GPC2: variants seen among roughly 807,000 people sequenced by gnomAD.
The protein encoded by GPC2 is glypican-2.
In GPC2, 42 loss-of-function variants were observed where a neutral mutation model predicts 57.3. The observed-to-expected ratio is 0.73, with a 90% CI of 0.57 to 0.95. GPC2 has a LOEUF of 0.95. Among genes scored for constraint, GPC2 ranks in the 40% least tolerant of loss-of-function variants. GPC2 has a pLI of 0.00. For missense variants in GPC2, 745 were observed against 793.6 expected (o/e 0.94, Z 0.74); for synonymous variants, 364 against 343.4 (o/e 1.06, Z -0.66).
chr7:100,176,966 T>C (rs527923345), intron 1 of GPC2, 68 bp downstream of exon 1: 39 of 1,108,658 alleles, frequency 3.5e-5, no homozygotes, highest in Middle Eastern at 6.0e-4. Context: ...AAGAGAGTTA[T>C]TGTGAGATGA....
rs1447731257 is a variant in GPC2 at position 100,171,684 on chromosome 7, C to G, written c.1171-6G>C. 2.0e-6 allele frequency: 3 copies of G among 1,488,080 alleles called. No individual in the cohort carries two copies. Among genetic ancestry groups the G allele is most frequent in the Non-Finnish European group, 2.7e-6 (3 of 1,129,550 alleles). 92.2% of individuals were successfully genotyped at this position (1,488,080 alleles called of 1,614,324 possible). ...CGCTCGCGGAGCTCCCACACCTGGG[C>G]GGGCGAGAGGGGGCGGGGCGAGCTG... On this transcript the variant is annotated splice_polypyrimidine_tract_variant and splice_region_variant and intron_variant, in intron 7 of 9. Transcript: ENST00000292377. This position sits in a 1 kb window ranked among gnomAD's most constrained non-coding sequence, Gnocchi z 4.8.
chr7:100,172,022 C>T (rs1378345339), intron 6 of GPC2, 65 bp downstream of exon 6: 2 of 1,597,980 alleles, frequency 1.3e-6, no homozygotes, highest in Non-Finnish European at 1.7e-6. Flanking sequence ...ATCCCCTATA[C>T]TGCCTCTCTG....
chr7:100,173,387 C>A, intron 5 of GPC2: 1 of 152,886 alleles, frequency 6.5e-6, no homozygotes, highest in Non-Finnish European at 1.5e-5. Flanking sequence ...CCTGCCTCAG[C>A]CTCTGGAGTA....
Position 100,175,765 on chromosome 7 carries a change from T to C in GPC2, c.455A>G (p.Tyr152Cys), listed in dbSNP as rs375753574. 3 of 1,614,014 alleles carry C rather than the reference T, an allele frequency of 1.9e-6. No individual in the cohort carries two copies. The highest frequency in any genetic ancestry group is 2.7e-5 in the African/African-American group (2 of 74,984). The change falls in exon 3 of 10, where the codon TAT (tyrosine) becomes TGT (cysteine). Residue 152 changes from tyrosine (Y) to cysteine (C), a missense_variant. Physicochemically the swap from Tyr to Cys is radical, Grantham distance 194. Coordinates refer to ENST00000292377, the MANE Select transcript of GPC2 (RefSeq NM_152742.3). Reference protein sequence around the residue: ...NGLFSRLRDFYGESGEGLDDT... With the variant: ...NGLFSRLRDFCGESGEGLDDT... ...ATCCAACCCCTCACCAGATTCCCCA[T>C]AGAAGTCTCGCAGCCGAGAGAACAG...
intron 5 of GPC2, among the ~76,000 whole-genome samples, chr7:100,172,737 ATATATATGTGTG>A (rs1488946774): frequency 2.1e-5 from 3 of 141,664 alleles, no homozygotes; most frequent in Non-Finnish European, 4.6e-5. Context: ...ATATATGTGT[ATATATATGTGTG>A]TATATATATG....
At chr7:100,174,418 A>G in intron 4 of GPC2, 1 of 565,906 alleles carries the variant, frequency 1.8e-6, no homozygotes, top group Non-Finnish European at 3.2e-6. Context: ...CCAATCTCCT[A>G]CTGCTATGGA....
In GPC2 at chr7:100,170,010, C is replaced by A; in HGVS notation, c.*220G>T. The A allele has an allele frequency of 2.1e-6, 1 of 481,106 alleles. No individual in the cohort carries two copies. Among genetic ancestry groups the A allele is most frequent in the Non-Finnish European group, 3.7e-6 (1 of 273,650 alleles). The allele number at this position is 481,106 out of a possible 1,614,324, so 29.8% of individuals were successfully genotyped here. A position where few individuals can be genotyped will look rare whatever the true frequency, so the allele number is the denominator to read the frequency against. On this transcript the variant is annotated 3_prime_UTR_variant, in exon 10 of 10. Transcript: ENST00000292377. Reference sequence around the variant, plus strand: ...AACCACACTCCCTCCTAAATAAATACCCCCAGGCCCCCCTCCCATTACCAA... The same window carrying A: ...AACCACACTCCCTCCTAAATAAATAACCCCAGGCCCCCCTCCCATTACCAA...
chr7:100,172,393 C>T (rs1432844468), intron 5 of GPC2, among the ~76,000 whole-genome samples, 176 bp from the exon 6 acceptor site: 1 of 151,970 alleles, frequency 6.6e-6, no homozygotes. Context: ...CCATTTCACC[C>T]CCAGCCTTAC....
intron 2 of GPC2, 44 bp downstream of exon 2, chr7:100,176,163 C>A: frequency 1.3e-6 from 2 of 1,546,098 alleles, no homozygotes; most frequent in Non-Finnish European, 1.8e-6. Flanking sequence ...TCCTAAGCAC[C>A]GAGAGGAGCT....
In GPC2 at chr7:100,170,036, A is replaced by C; in HGVS notation, c.*194T>G. ...CCCCAGGCCCCCCTCCCATTACCAAATGAAAAAATAAATATTGTGAACACC... is the reference window on the plus strand; with the variant it reads ...CCCCAGGCCCCCCTCCCATTACCAACTGAAAAAATAAATATTGTGAACACC... On this transcript the variant is annotated 3_prime_UTR_variant, in exon 10 of 10. Coordinates refer to ENST00000292377, the MANE Select transcript of GPC2 (RefSeq NM_152742.3). 2.1e-6 allele frequency: 1 copy of C among 470,618 alleles called. No individual in the cohort carries two copies. Among genetic ancestry groups the C allele is most frequent in the Non-Finnish European group, 3.7e-6 (1 of 269,296 alleles). 29.2% of individuals were successfully genotyped at this position (470,618 alleles called of 1,614,324 possible).
At chr7:100,176,088 C>T (rs1005387405) in intron 2 of GPC2, 119 bp downstream of exon 2, 18 of 164,958 alleles carry the variant, frequency 1.1e-4, no homozygotes, top group African/African-American at 6.6e-4. Flanking sequence ...GGGGGGTGGG[C>T]GGGCTGGGAG....
Position 100,171,766 on chromosome 7 carries a change from T to C in GPC2, c.1170+13A>G. Reference sequence around the variant, plus strand: ...GGGCCCCCCCGCCCCCAACTCTTGGTCATCCCACGCACCAGCCGGTGCAGG... The same window carrying C: ...GGGCCCCCCCGCCCCCAACTCTTGGCCATCCCACGCACCAGCCGGTGCAGG... On this transcript the variant is annotated intron_variant, in intron 7 of 9. Coordinates refer to ENST00000292377, the MANE Select transcript of GPC2 (RefSeq NM_152742.3). This position sits in a 1 kb window ranked among gnomAD's most constrained non-coding sequence, Gnocchi z 4.8. The C allele has an allele frequency of 6.8e-7, 1 of 1,474,390 alleles. No homozygotes were observed. Among genetic ancestry groups the C allele is most frequent in the Non-Finnish European group, 9.0e-7 (1 of 1,111,050 alleles). The allele number at this position is 1,474,390 out of a possible 1,614,324, so 91.3% of individuals were successfully genotyped here. A position where few individuals can be genotyped will look rare whatever the true frequency, so the allele number is the denominator to read the frequency against.
Position 100,170,334 on chromosome 7 carries a change from A to G in GPC2, c.1636T>C (p.Tyr546His), listed in dbSNP as rs1799156435. The G allele has an allele frequency of 6.2e-7, 1 of 1,613,150 alleles. No homozygotes were observed. The highest frequency in any genetic ancestry group is 1.1e-5 in the South Asian group (1 of 90,760). Residue 546 changes from tyrosine to histidine, a missense_variant, in exon 10 of 10, where the codon TAC becomes CAC. Around this residue, in one of 2 missense-constraint regions of GPC2, gnomAD observed 607 missense variants for 603.9 expected, o/e 1.01. Transcript: ENST00000292377. ...GGKGGGGSAR[Y>H]NQGRSRSGGA... Reference sequence around the variant, plus strand: ...CCACTCCTGCTCCGGCCCTGGTTGTAGCGGGCACTGCCACCTCCTCCTTTG... The same window carrying G: ...CCACTCCTGCTCCGGCCCTGGTTGTGGCGGGCACTGCCACCTCCTCCTTTG...
intron 3 of GPC2, 67 bp downstream of exon 3, chr7:100,175,505 G>A: frequency 7.8e-7 from 1 of 1,286,086 alleles, no homozygotes; most frequent in Non-Finnish European, 1.1e-6. Flanking sequence ...GTTTGGAGGT[G>A]AGTGGTGCAC....
rs1799252898 is a variant in GPC2, at chr7:100,175,611, C to A, written c.609G>T (p.Leu203=). ...SRLASSTDGS[L]QPFGDSPRRL... is the part of the protein sequence containing the mutation. ...GGCGGGGTGAGTCCCCAAAGGGCTG[C>A]AGAGAGCCATCGGTAGATGAGGCCA... is the stretch of plus-strand genomic sequence containing the variant. Residue 203 remains leucine (L), a synonymous_variant, in exon 3 of 10, where the codon CTG becomes CTT. Transcript: ENST00000292377. 6.2e-7 allele frequency: 1 copy of A among 1,613,494 alleles called. No individual in the cohort carries two copies. The highest frequency in any genetic ancestry group is 1.3e-5 in the African/African-American group (1 of 75,026).
In GPC2 at chr7:100,173,867, C is replaced by A; in HGVS notation, c.860G>T (p.Arg287Met). 1 of 1,593,120 alleles carries A rather than the reference C, an allele frequency of 6.3e-7. No homozygotes were observed. Among genetic ancestry groups the A allele is most frequent in the East Asian group, 2.3e-5 (1 of 42,560 alleles). The stretch of plus-strand genomic sequence containing the variant: ...GTTGCCCCAGTCAGGCTCCAGTCCC[C>A]TGCTGCTGAGACAGCCACGAACCAC... ...LNVVRGCLSS[R>M]GLEPDWGNYL... is the part of the protein sequence containing the mutation. Residue 287 changes from arginine to methionine, a missense_variant, in exon 5 of 10, where the codon AGG (arginine) becomes ATG (methionine). Around this residue, in one of 2 missense-constraint regions of GPC2, gnomAD observed 607 missense variants for 603.9 expected, o/e 1.01. Transcript: ENST00000292377.
chr7:100,170,728 A>C (rs1024313397), intron 9 of GPC2, among the ~76,000 whole-genome samples: 1 of 152,054 alleles, frequency 6.6e-6, no homozygotes, highest in South Asian at 2.1e-4. Context: ...AGAGAGAAAA[A>C]AAAACAAAAC....
Position 100,170,469 on chromosome 7 carries a change from C to T in GPC2, c.1501G>A (p.Gly501Ser), listed in dbSNP as rs779561514. 4 of 1,531,372 alleles carry T rather than the reference C, an allele frequency of 2.6e-6. No homozygotes were observed. Among genetic ancestry groups the T allele is most frequent in the East Asian group, 2.4e-5 (1 of 42,144 alleles). The allele number at this position is 1,531,372 out of a possible 1,614,324, so 94.9% of individuals were successfully genotyped here. A position where few individuals can be genotyped will look rare whatever the true frequency, so the allele number is the denominator to read the frequency against. ...GCATACTGCTGTCCCCCTCCAGAGC[C>T]GCTGGCATCCTCATCTGCAAGGAAG... The part of the protein sequence containing the change: ...DGQDADEDAS[G>S]SGGGQQYADD... Residue 501 changes from glycine to serine, a missense_variant, in exon 10 of 10, where the codon GGC (glycine) becomes AGC (serine). Transcript: ENST00000292377.
chr7:100,177,371 A>C lies in GPC2; in HGVS notation c.-172T>G. On this transcript the variant is annotated 5_prime_UTR_variant, in exon 1 of 10. Coordinates refer to ENST00000292377, the MANE Select transcript of GPC2 (RefSeq NM_152742.3). ...GCTGGACCAGGCGGCATCTGCCGAG[A>C]CAATGGGAGCGGGGAGCCGGACAGG... 1.9e-6 allele frequency: 1 copy of C among 537,196 alleles called. No homozygotes were observed. The highest frequency in any genetic ancestry group is 3.1e-6 in the Non-Finnish European group (1 of 327,760). 33.3% of individuals were successfully genotyped at this position (537,196 alleles called of 1,614,324 possible).
Sources: gnomAD v4.1 joint callset for allele counts (sites outside exome capture counted in the v4.1 genomes callset) on GRCh38, gnomAD v4.1.1 for gene constraint, gnomAD v4.1.1 regional missense constraint, Gnocchi (gnomAD v3.1) non-coding constraint, MANE v1.5 for transcripts, NCBI Gene and HGNC (gene_info 2026-07-23, HGNC 2026-07-21) for gene names.